SVEP1: variants seen among roughly 807,000 people sequenced by gnomAD.
SVEP1 encodes the protein sushi, von Willebrand factor type A, EGF and pentraxin domain containing 1, also known as sushi, von Willebrand factor type A, EGF and pentraxin domain-containing protein 1.
A neutral mutation model predicts 367.3 loss-of-function variants in SVEP1; 164 were observed. The ratio of observed to expected loss-of-function variants is 0.45; its 90% CI spans 0.39 to 0.51. The LOEUF is 0.51. SVEP1 is among the 20% of genes least tolerant of loss of function. The pLI is 0.00. For missense variants in SVEP1, 4,117 were observed against 4,425.3 expected, an observed-to-expected ratio of 0.93 and a Z score of 1.98; for synonymous variants, 1,666 against 1,611.6, an observed-to-expected ratio of 1.03 and a Z score of -0.81.
chr9:110,478,628 C>T (rs12376121), intron 13 of SVEP1, among the ~76,000 whole-genome samples: 43,389 of 152,004 alleles, frequency 0.29, 6,521 homozygotes, highest in Admixed American at 0.33. Context: ...CTAATGGGCG[C>T]AATATTTTCT....
At chr9:110,576,116 G>A (rs1231114900) in intron 1 of SVEP1, among the ~76,000 whole-genome samples, 4 of 152,092 alleles carry the variant, frequency 2.6e-5, no homozygotes, top group Admixed American at 1.3e-4. Flanking sequence ...AATATTCTTT[G>A]ATGCAATAAT....
At chr9:110,425,615 C>T (rs1390573872) in intron 36 of SVEP1, among the ~76,000 whole-genome samples, 2 of 152,172 alleles carry the variant, frequency 1.3e-5, no homozygotes, top group Non-Finnish European at 2.9e-5. Context: ...AATAAAAAAT[C>T]CTCTTCAAAT....
chr9:110,489,426 G>A (rs180900126), intron 9 of SVEP1, among the ~76,000 whole-genome samples: 27 of 152,288 alleles, frequency 1.8e-4, no homozygotes, highest in Non-Finnish European at 1.6e-4. Flanking sequence ...GCAAAGCCAC[G>A]TCTTACATGG....
chr9:110,564,053 G>C (rs998596510), intron 1 of SVEP1, among the ~76,000 whole-genome samples: 4 of 152,224 alleles, frequency 2.6e-5, no homozygotes, highest in Admixed American at 2.6e-4. Flanking sequence ...GGACTGAAGA[G>C]TGGGGGCATG....
At chr9:110,390,049 ACACG>A (rs1428768245) in intron 40 of SVEP1, among the ~76,000 whole-genome samples, 1 of 133,570 alleles carries the variant, frequency 7.5e-6, no homozygotes, top group Non-Finnish European at 1.6e-5. Context: ...AAGTATATAT[ACACG>A]TATATATATA....
Position 110,455,603 on chromosome 9 carries a change from TG to T in SVEP1, c.3773del (p.Pro1258HisfsTer13). 1 of 1,613,460 alleles carries T rather than the reference TG, an allele frequency of 6.2e-7. No individual in the cohort carries two copies. The highest frequency in any genetic ancestry group is 8.5e-7 in the Non-Finnish European group (1 of 1,179,596). On this transcript the variant is annotated frameshift_variant, in exon 22 of 48. Coordinates refer to ENST00000374469, the MANE Select transcript of SVEP1 (RefSeq NM_153366.4). LOFTEE classifies it high-confidence loss of function. ...DLVGEFICEC[P>X]SGYTGQRCEE... ...CCTTCCCCTTACCTGTGTAACCTGA[TG>T]GGCACTCACAAATGAATTCCCCAAC...
At chr9:110,556,338 C>G (rs371326220) in intron 1 of SVEP1, among the ~76,000 whole-genome samples, 1 of 152,182 alleles carries the variant, frequency 6.6e-6, no homozygotes, top group Admixed American at 6.5e-5. Flanking sequence ...CACAGCAGAT[C>G]TGGCATGGGG....
In SVEP1 at chr9:110,375,465, T is replaced by TAAGAAAAAAAA; in HGVS notation, c.10505-3_10505-2insTTTTTTTTCTT. ...TCAGACAGGGAAGAATGCAGATTGC[T>TAAGAAAAAAAA]AAAAAAAAAAAAAAAAAAAAAAAAA... On this transcript the variant is annotated splice_region_variant and splice_polypyrimidine_tract_variant and intron_variant, in intron 45 of 47. Coordinates refer to ENST00000374469, the MANE Select transcript of SVEP1 (RefSeq NM_153366.4). The TAAGAAAAAAAA allele has an allele frequency of 1.8e-6, 1 of 555,402 alleles. No homozygotes were observed. Among genetic ancestry groups the TAAGAAAAAAAA allele is most frequent in the South Asian group, 2.6e-5 (1 of 38,842 alleles). The allele number at this position is 555,402 out of a possible 1,614,324, so 34.4% of individuals were successfully genotyped here. A position where few individuals can be genotyped will look rare whatever the true frequency, so the allele number is the denominator to read the frequency against.
At chr9:110,434,237 A>G in intron 30 of SVEP1, 99 bp downstream of exon 30, 2 of 1,277,788 alleles carry the variant, frequency 1.6e-6, no homozygotes, top group Non-Finnish European at 2.1e-6. Flanking sequence ...TATATTTGCT[A>G]CTGTGAAGTA....
In SVEP1 at chr9:110,408,073, G is replaced by C. The variant is rs1472177898; in HGVS notation, c.7527C>G (p.Phe2509Leu). ...LKPKEILNGK[F>L]SYTDLHYGQT... ...GTCCATAGTGTAGGTCCGTGTAAGA[G>C]AATTTGCCATTCAAAATCTCCTTGG... Residue 2509 changes from phenylalanine (F) to leucine (L), a missense_variant, in exon 38 of 48, where the codon TTC becomes TTG. Physicochemically the swap from Phe to Leu is conservative, Grantham distance 22 (BLOSUM62 0). Transcript: ENST00000374469. The C allele has an allele frequency of 9.3e-6, 15 of 1,613,752 alleles. No homozygotes were observed. The highest frequency in any genetic ancestry group is 1.2e-5 in the Non-Finnish European group (14 of 1,179,862).
chr9:110,370,726 TA>T (rs1309580880), intron 46 of SVEP1, among the ~76,000 whole-genome samples: 1 of 152,322 alleles, frequency 6.6e-6, no homozygotes, highest in African/African-American at 2.4e-5. Flanking sequence ...ATGTATTTGT[TA>T]AAAAACCTGA....
intron 1 of SVEP1, among the ~76,000 whole-genome samples, chr9:110,575,650 C>G (rs1024819727): frequency 3.9e-5 from 6 of 152,024 alleles, no homozygotes; most frequent in Non-Finnish European, 7.4e-5. Context: ...AAAAATAGAT[C>G]CAGTAGACTA....
At chr9:110,373,759 A>T (rs1243307622) in intron 46 of SVEP1, among the ~76,000 whole-genome samples, 1 of 74,700 alleles carries the variant, frequency 1.3e-5, no homozygotes, top group Non-Finnish European at 3.2e-5. Context: ...TAAAGATGAT[A>T]AAAAAAAAAT....
chr9:110,381,334 G>A (rs1029930571), intron 43 of SVEP1, among the ~76,000 whole-genome samples: 1 of 152,024 alleles, frequency 6.6e-6, no homozygotes, highest in African/African-American at 2.4e-5. Context: ...TTTTCGATGT[G>A]GGCATTTAGT....
intron 3 of SVEP1, among the ~76,000 whole-genome samples, chr9:110,517,597 CAA>C (rs10656763): frequency 9.5e-5 from 12 of 125,784 alleles, no homozygotes; most frequent in East Asian, 2.4e-4. Flanking sequence ...GACGCTATCT[CAA>C]AAAAAAAAAA....
chr9:110,547,397 T>C (rs1354092147), intron 2 of SVEP1, among the ~76,000 whole-genome samples: 1 of 152,136 alleles, frequency 6.6e-6, no homozygotes, highest in Non-Finnish European at 1.5e-5. Flanking sequence ...ACCCTGTCTC[T>C]ACAAAAACAA....
intron 14 of SVEP1, among the ~76,000 whole-genome samples, chr9:110,475,293 T>C (rs189322420): frequency 3.9e-5 from 6 of 152,280 alleles, no homozygotes; most frequent in African/African-American, 1.4e-4. Context: ...ACTTACCATC[T>C]CATAACCTTC....
In SVEP1 at chr9:110,455,695, A is replaced by G; in HGVS notation, c.3682T>C (p.Cys1228Arg). 1 of 1,610,506 alleles carries G rather than the reference A, an allele frequency of 6.2e-7. No homozygotes were observed. Among genetic ancestry groups the G allele is most frequent in the Non-Finnish European group, 8.5e-7 (1 of 1,178,350 alleles). The change falls in exon 22 of 48, where the codon TGT (cysteine) becomes CGT (arginine). Residue 1228 changes from cysteine to arginine, a missense_variant. Physicochemically the swap from Cys to Arg is radical, Grantham distance 180 (BLOSUM62 -3). Around this residue, in one of 4 missense-constraint regions of SVEP1, gnomAD observed 2,174 missense variants for 2,494.3 expected, o/e 0.87. Coordinates refer to ENST00000374469, the MANE Select transcript of SVEP1 (RefSeq NM_153366.4). The part of the protein sequence containing the change: ...LCPLGYTGLK[C>R]ETDIDECSPL... ...CTGCACTCATCGATGTCTGTTTCAC[A>G]CTTTAAGCCTACAATGTAAACCAAA...
chr9:110,369,391 C>G (rs1250161222), intron 47 of SVEP1, among the ~76,000 whole-genome samples: 1 of 152,068 alleles, frequency 6.6e-6, no homozygotes, highest in Non-Finnish European at 1.5e-5. Flanking sequence ...CACTAAAATA[C>G]AAAATATATT....
Sources: gnomAD v4.1 joint callset for allele counts (sites outside exome capture counted in the v4.1 genomes callset) on GRCh38, gnomAD v4.1.1 for gene constraint, gnomAD v4.1.1 regional missense constraint, MANE v1.5 for transcripts, NCBI Gene and HGNC (gene_info 2026-07-23, HGNC 2026-07-21) for gene names.